KDM2B: variants seen among roughly 807,000 people sequenced by gnomAD.
KDM2B encodes the protein lysine demethylase 2B, also known as lysine-specific demethylase 2B.
A neutral mutation model predicts 150.0 loss-of-function variants in KDM2B; 26 were observed. That is an observed-to-expected ratio of 0.17 (90% CI 0.13 to 0.24). The LOEUF (loss-of-function observed/expected upper bound fraction) is 0.24. KDM2B is among the 10% of genes least tolerant of loss of function. The pLI, the probability that KDM2B is intolerant of heterozygous loss-of-function variation, is 1.00. For missense variants in KDM2B, 1,265 were observed against 1,816.9 expected, an observed-to-expected ratio of 0.70 and a Z score of 5.52; for synonymous variants, 734 against 729.5, an observed-to-expected ratio of 1.01 and a Z score of -0.10.
intron 12 of KDM2B, among the ~76,000 whole-genome samples, chr12:121,474,389 G>A (rs1010900359): frequency 6.6e-6 from 1 of 151,992 alleles, no homozygotes; most frequent in African/African-American, 2.4e-5. Flanking sequence ...GGTAGCGGGT[G>A]CCTGTAGTCC....
chr12:121,562,211 AG>A (rs1488967684), intron 4 of KDM2B, among the ~76,000 whole-genome samples: 13 of 149,542 alleles, frequency 8.7e-5, no homozygotes, highest in Non-Finnish European at 1.6e-4. Flanking sequence ...TGGCCAGCAC[AG>A]TAGTTCACGC....
At chr12:121,410,228 GAAATTA>G in the KDM2B span, among the ~76,000 whole-genome samples, 1 of 150,982 alleles carries the variant, frequency 6.6e-6, no homozygotes, top group African/African-American at 2.4e-5. Flanking sequence ...AGGGGAGATG[GAAATTA>G]AAATTTTCAA....
In KDM2B at chr12:121,442,151, G is replaced by A. The variant is rs782621079; in HGVS notation, c.3284+6C>T. Reference sequence around the variant, plus strand: ...AACCTAGAGCCCTACACAGGCCGCCGCTCACCAGCGGTTCCAGGTCCTGCA... The same window carrying A: ...AACCTAGAGCCCTACACAGGCCGCCACTCACCAGCGGTTCCAGGTCCTGCA... On this transcript the variant is annotated splice_donor_region_variant and intron_variant, in intron 19 of 22. Transcript: ENST00000377071. The surrounding 1 kb of genome is among the most constrained non-coding windows in gnomAD (Gnocchi z 7.7). The A allele has an allele frequency of 3.1e-6, 5 of 1,612,784 alleles. No individual in the cohort carries two copies. The Admixed American group carries it at 5.0e-5, about 16-fold the overall frequency.
chr12:121,444,774 A>G (rs942243651), intron 14 of KDM2B: 17 of 559,452 alleles, frequency 3.0e-5, no homozygotes, highest in Non-Finnish European at 5.5e-5. Context: ...TGGGCAAGAC[A>G]CTCCGTCTCT....
chr12:121,471,555 A>G (rs1555295911), intron 12 of KDM2B, among the ~76,000 whole-genome samples: 1 of 152,092 alleles, frequency 6.6e-6, no homozygotes, highest in Non-Finnish European at 1.5e-5. Flanking sequence ...CAGGAAGACG[A>G]TGACACTTGG....
chr12:121,476,430 T>G (rs1158935278), intron 12 of KDM2B, among the ~76,000 whole-genome samples: 3 of 151,934 alleles, frequency 2.0e-5, no homozygotes, highest in Non-Finnish European at 2.9e-5. Flanking sequence ...CACTCCACCC[T>G]GGGTGACCGA....
Position 121,580,792 on chromosome 12 carries a change from GGC to G in KDM2B, c.118_119del (p.Ala40HisfsTer6). ...IYTKCFEFES[A>X]TQRPIDRQRY... ...ACCCCTCCCCCAACATTACCTGTGTGGCCGACTCAAATTCAAAGCATTTTGTA... is the reference window on the plus strand; with the variant it reads ...ACCCCTCCCCCAACATTACCTGTGTGCGACTCAAATTCAAAGCATTTTGTA... On this transcript the variant is annotated frameshift_variant, in exon 1 of 23. Transcript: ENST00000377071. LOFTEE classifies it high-confidence loss of function. 2 of 1,613,164 alleles carry G rather than the reference GGC, an allele frequency of 1.2e-6. No homozygotes were observed. The highest frequency in any genetic ancestry group is 1.7e-6 in the Non-Finnish European group (2 of 1,179,698).
chr12:121,492,515 C>T (rs1195078796), intron 12 of KDM2B, among the ~76,000 whole-genome samples: 13 of 151,240 alleles, frequency 8.6e-5, no homozygotes, highest in Admixed American at 8.6e-4. Context: ...GCCATGTTGG[C>T]CAGGCTAGTC....
In KDM2B at chr12:121,552,173, C is replaced by T. The variant is rs140353720; in HGVS notation, c.398-2535G>A. 5.1e-3 allele frequency among the ~76,000 whole-genome samples: 783 copies of T among 152,292 alleles called. 3 individuals are homozygous for T. Among genetic ancestry groups the T allele is most frequent in the Admixed American group, 8.8e-3 (134 of 15,282 alleles). On this transcript the variant is annotated intron_variant, in intron 4 of 22. Coordinates refer to ENST00000377071, the MANE Select transcript of KDM2B (RefSeq NM_032590.5). ...ATATATTATCTTGTGTTAGGTTCATCGTGGTCACAGCTCTGTGAAGCAGAA... is the reference window on the plus strand; with the variant it reads ...ATATATTATCTTGTGTTAGGTTCATTGTGGTCACAGCTCTGTGAAGCAGAA...
At position 121,509,742 on chromosome 12, in the gene KDM2B, G is replaced by C. The variant is rs782412755; in HGVS notation, c.1472C>G (p.Pro491Arg). 6.2e-7 allele frequency: 1 copy of C among 1,614,124 alleles called. No homozygotes were observed. The highest frequency in any genetic ancestry group is 1.1e-5 in the South Asian group (1 of 91,080). Residue 491 changes from proline to arginine, a missense_variant, in exon 11 of 23, where the codon CCC becomes CGC. Transcript: ENST00000377071. ...GGCGGGAGAGCCGGTGGGGGTCTTGGGGTAGTCTACGGCCAATGTGGTGGA... is the reference window on the plus strand; with the variant it reads ...GGCGGGAGAGCCGGTGGGGGTCTTGCGGTAGTCTACGGCCAATGTGGTGGA... Reference protein sequence around the residue: ...VKSTTLAVDYPKTPTGSPATE... With the variant: ...VKSTTLAVDYRKTPTGSPATE...
Position 121,513,503 on chromosome 12 carries a change from T to C in KDM2B, c.1048-101A>G. 1 of 1,330,618 alleles carries C rather than the reference T, an allele frequency of 7.5e-7. No individual in the cohort carries two copies. The highest frequency in any genetic ancestry group is 2.3e-5 in the East Asian group (1 of 42,684). 82.4% of individuals were successfully genotyped at this position (1,330,618 alleles called of 1,614,324 possible). A position where few individuals can be genotyped will look rare whatever the true frequency, so the allele number is the denominator to read the frequency against. On this transcript the variant is annotated intron_variant, in intron 9 of 22. Transcript: ENST00000377071. This position sits in a 1 kb window ranked among gnomAD's most constrained non-coding sequence, Gnocchi z 5.0. ...CAGGCTCCCTGCAGGTGAGGGTCAC[T>C]GTCATCATCTTAGCGAGAGCATGGA...
At chr12:121,477,566 CTTTTT>C (rs1217597051) in intron 12 of KDM2B, among the ~76,000 whole-genome samples, 2 of 132,750 alleles carry the variant, frequency 1.5e-5, no homozygotes, top group African/African-American at 3.1e-5. Context: ...TTCTTCTTTT[CTTTTT>C]GTCTTTCCTT....
intron 22 of KDM2B, chr12:121,433,209 T>C (rs1449692392): frequency 1.1e-5 from 5 of 456,600 alleles, no homozygotes; most frequent in Non-Finnish European, 2.2e-5. Flanking sequence ...ACAAAGAAGC[T>C]AGAAGGAAAA....
chr12:121,556,518 C>T (rs1389204621), intron 4 of KDM2B, among the ~76,000 whole-genome samples: 1 of 152,184 alleles, frequency 6.6e-6, no homozygotes, highest in Non-Finnish European at 1.5e-5. Flanking sequence ...GCTTCCTGTA[C>T]AGCCTGCAGA....
chr12:121,427,201 T>TAGGC (rs1555284362), downstream of KDM2B, among the ~76,000 whole-genome samples: 2 of 151,948 alleles, frequency 1.3e-5, no homozygotes, highest in Non-Finnish European at 2.9e-5. Context: ...GAGTAGTTGC[T>TAGGC]TGTAGCATTT....
intron 6 of KDM2B, among the ~76,000 whole-genome samples, chr12:121,538,807 G>C (rs1036332818): frequency 6.6e-6 from 1 of 152,114 alleles, no homozygotes; most frequent in Non-Finnish European, 1.5e-5. Flanking sequence ...CACCCAGGCA[G>C]CCTGTCTCCC....
rs1555305366 is a variant in KDM2B, at chr12:121,518,118, CCT to C, written c.1047+2865_1047+2866del. Among the ~76,000 whole-genome samples, 1 of 152,000 alleles carries C rather than the reference CCT, an allele frequency of 6.6e-6. No homozygotes were observed. The highest frequency in any genetic ancestry group is 2.4e-5 in the African/African-American group (1 of 41,378). ...ATGTTGGTCAGGCTGGTCTCGAACCCCTGACCTCAGATCATCCGCCCGCCTTG... is the reference window on the plus strand; with the variant it reads ...ATGTTGGTCAGGCTGGTCTCGAACCCGACCTCAGATCATCCGCCCGCCTTG... On this transcript the variant is annotated intron_variant, in intron 9 of 22. Transcript: ENST00000377071. This position sits in a 1 kb window ranked among gnomAD's most constrained non-coding sequence, Gnocchi z 4.4.
chr12:121,416,029 G>A, the KDM2B span: 1 of 673,966 alleles, frequency 1.5e-6, no homozygotes, highest in South Asian at 1.9e-5. Flanking sequence ...AAATTTCAGT[G>A]CCCAGAGGAA....
At chr12:121,517,282 C>T (rs1014340503) in intron 9 of KDM2B, among the ~76,000 whole-genome samples, 2 of 151,992 alleles carry the variant, frequency 1.3e-5, no homozygotes, top group African/African-American at 4.8e-5. Flanking sequence ...GGAAATCCAC[C>T]ATTCCCCAAA....
Sources: allele counts gnomAD v4.1 joint callset (sites outside exome capture counted in the v4.1 genomes callset), GRCh38; gene constraint gnomAD v4.1.1; non-coding constraint Gnocchi (gnomAD v3.1); transcripts MANE v1.5; gene names NCBI Gene and HGNC (gene_info 2026-07-23, HGNC 2026-07-21).